The following RBM25 variants were observed in gnomAD, a reference collection of about 807,000 sequenced individuals.
RBM25 encodes RNA binding motif protein 25.
RBM25 carries 19 observed loss-of-function variants against 120.7 expected under a neutral mutation model. The ratio of observed to expected loss-of-function variants is 0.16; its 90% CI spans 0.11 to 0.23. The LOEUF is 0.23. Ranked by LOEUF, RBM25 falls within the 10% of genes least tolerant of loss-of-function variation. The pLI, the probability that RBM25 is intolerant of heterozygous loss-of-function variation, is 1.00. For synonymous variants in RBM25, 390 were observed against 326.7 expected (o/e 1.19, Z -2.09); for missense variants, 605 against 1,041.5 (o/e 0.58, Z 5.77).
chr14:73,082,548 C>G (rs1880222652), intron 4 of RBM25, among the ~76,000 whole-genome samples: 1 of 152,168 alleles, frequency 6.6e-6, no homozygotes, highest in Admixed American at 6.6e-5. Context: ...ACATCAGCCT[C>G]CCAAAGTGTT....
rs904065750 is a variant in RBM25 at position 73,107,539 on chromosome 14, T to TA, written c.1468-282dup. The TA allele has an allele frequency of 2.4e-5, 7 of 295,778 alleles. No individual in the cohort carries two copies. The East Asian group carries it at 6.6e-4, about 28-fold the overall frequency. The allele number at this position is 295,778 out of a possible 1,614,324, so 18.3% of individuals were successfully genotyped here. A position where few individuals can be genotyped will look rare whatever the true frequency, so the allele number is the denominator to read the frequency against. ...AAAATATTTTCTCTATAGAAAATAA[T>TA]AAAAACACCGTTTCCCAGGCTAGCC... On this transcript the variant is annotated intron_variant, in intron 12 of 18. Transcript: ENST00000261973.
chr14:73,112,530 T>C (rs1054261815), intron 17 of RBM25, among the ~76,000 whole-genome samples: 5 of 152,094 alleles, frequency 3.3e-5, no homozygotes, highest in Non-Finnish European at 5.9e-5. Context: ...GAGGATGGAA[T>C]TGCTGGTTAC....
At chr14:73,091,775 G>A (rs1205245938) in intron 6 of RBM25, among the ~76,000 whole-genome samples, 1 of 152,084 alleles carries the variant, frequency 6.6e-6, no homozygotes, top group Non-Finnish European at 1.5e-5. Context: ...TACTTGGGAG[G>A]CTGAGACAGG....
At chr14:73,083,036 C>T (rs947803879) in intron 4 of RBM25, among the ~76,000 whole-genome samples, 8 of 152,088 alleles carry the variant, frequency 5.3e-5, no homozygotes, top group Non-Finnish European at 7.4e-5. Flanking sequence ...CCCAAGATCA[C>T]GCCACTGCAC....
chr14:73,067,402 G>A (rs1895164384), intron 1 of RBM25, among the ~76,000 whole-genome samples: 1 of 151,820 alleles, frequency 6.6e-6, no homozygotes, highest in Non-Finnish European at 1.5e-5. Flanking sequence ...ATAATTTACT[G>A]CATTATTATT....
intron 9 of RBM25, chr14:73,101,410 C>CT (rs1440890506): frequency 6.6e-6 from 1 of 152,048 alleles, no homozygotes; most frequent in African/African-American, 2.4e-5. Context: ...CTCTTCATGA[C>CT]TTTCTTACAT....
intron 5 of RBM25, 33 bp downstream of exon 5, chr14:73,083,584 A>T (rs1005128504): frequency 1.4e-6 from 2 of 1,474,078 alleles, no homozygotes; most frequent in Middle Eastern, 1.8e-4. Context: ...TGCTGAAATC[A>T]CTTTAACTAA....
At chr14:73,080,865 T>C (rs74483257) in intron 4 of RBM25, among the ~76,000 whole-genome samples, 25,117 of 150,192 alleles carry the variant, frequency 0.17, 2,793 homozygotes, top group East Asian at 0.42. Context: ...CACTCTGTTA[T>C]CCAGGCTGGA....
rs952178857 is a variant in RBM25, at chr14:73,077,619, A to C, written c.324+83A>C. ...TTAAGCAGAAAGAAGACTTTCAGTG[A>C]TTGCTTTTTATTTTAAAAAATTTCA... On this transcript the variant is annotated intron_variant, in intron 4 of 18. Coordinates refer to ENST00000261973, the MANE Select transcript of RBM25 (RefSeq NM_021239.3). The C allele has an allele frequency of 5.6e-6, 7 of 1,258,278 alleles. No individual in the cohort carries two copies. In the Middle Eastern group the frequency reaches 1.1e-3, roughly 203 times the overall value. The allele number at this position is 1,258,278 out of a possible 1,614,324, so 77.9% of individuals were successfully genotyped here.
intron 10 of RBM25, among the ~76,000 whole-genome samples, chr14:73,105,589 A>G (rs1351052241): frequency 6.6e-6 from 1 of 152,200 alleles, no homozygotes; most frequent in African/African-American, 2.4e-5. Flanking sequence ...CATTCATTTT[A>G]ATGATTTATA....
intron 17 of RBM25, among the ~76,000 whole-genome samples, chr14:73,113,964 G>A (rs963134956): frequency 2.4e-4 from 37 of 152,080 alleles, no homozygotes; most frequent in African/African-American, 8.5e-4. Context: ...TATAGCTATG[G>A]TATTTTTTTG....
At chr14:73,072,724 A>C (rs1216848893) in intron 2 of RBM25, among the ~76,000 whole-genome samples, 1 of 152,156 alleles carries the variant, frequency 6.6e-6, no homozygotes, top group African/African-American at 2.4e-5. Context: ...CTGAGGTGGG[A>C]GGATGGCCTG....
At chr14:73,099,348 T>C (rs1354482466) in intron 7 of RBM25, 32 bp from the exon 8 acceptor site, 2 of 1,588,806 alleles carry the variant, frequency 1.3e-6, no homozygotes, top group Non-Finnish European at 8.5e-7. Flanking sequence ...TTTTTCTTTT[T>C]TAAAAAAGAT....
At chr14:73,103,073 T>C in intron 9 of RBM25, 119 bp from the exon 10 acceptor site, 1 of 1,510,338 alleles carries the variant, frequency 6.6e-7, no homozygotes. Flanking sequence ...CCACAAGTAT[T>C]TAATATTAAT....
At chr14:73,118,444 C>T (rs1896478275) in intron 18 of RBM25, among the ~76,000 whole-genome samples, 1 of 150,194 alleles carries the variant, frequency 6.7e-6, no homozygotes, top group East Asian at 2.0e-4. Flanking sequence ...TGCCACTGTA[C>T]TCCAGGCTGG....
At chr14:73,092,208 G>C (rs776587114) in intron 6 of RBM25, among the ~76,000 whole-genome samples, 19 of 151,014 alleles carry the variant, frequency 1.3e-4, no homozygotes, top group Admixed American at 2.6e-4. Context: ...TAAGGGTGGT[G>C]GGGGGTGTAG....
chr14:73,061,452 G>A (rs549406290), intron 1 of RBM25, among the ~76,000 whole-genome samples: 2 of 151,482 alleles, frequency 1.3e-5, no homozygotes, highest in South Asian at 4.2e-4. Context: ...AATATACAAA[G>A]TTATGCATCC....
intron 1 of RBM25, among the ~76,000 whole-genome samples, chr14:73,061,269 G>A (rs888904197): frequency 1.3e-5 from 2 of 151,250 alleles, no homozygotes; most frequent in African/African-American, 4.8e-5. Context: ...TGTTGTCCAG[G>A]CTGGTCTTGG....
Position 73,087,081 on chromosome 14 carries a change from A to G in RBM25, c.383-920A>G, listed in dbSNP as rs138940677. ...CTGAAATGTCAAATTTACTATTTTAATATCAGTAGTTTTTTTCTGTTTCCT... is the reference window on the plus strand; with the variant it reads ...CTGAAATGTCAAATTTACTATTTTAGTATCAGTAGTTTTTTTCTGTTTCCT... On this transcript the variant is annotated intron_variant, in intron 5 of 18. Transcript: ENST00000261973. 6.6e-5 allele frequency among the ~76,000 whole-genome samples: 10 copies of G among 150,468 alleles called. No individual in the cohort carries two copies. The East Asian group carries it at 2.0e-3, about 30-fold the overall frequency.
Sources: allele counts gnomAD v4.1 joint callset (sites outside exome capture counted in the v4.1 genomes callset), GRCh38; gene constraint gnomAD v4.1.1; transcripts MANE v1.5; gene names NCBI Gene and HGNC (gene_info 2026-07-23, HGNC 2026-07-21).